RELN: variants seen among roughly 807,000 people sequenced by gnomAD.
The protein encoded by RELN is reelin.
RELN carries 108 observed loss-of-function variants against 427.6 expected under a neutral mutation model. The observed-to-expected ratio is 0.25, with a 90% confidence interval of 0.22 to 0.30. RELN has a LOEUF of 0.30. RELN is among the 10% of genes least tolerant of loss of function. RELN has a pLI of 1.00. For synonymous variants in RELN, 1,524 were observed against 1,513.4 expected, an observed-to-expected ratio of 1.01 and a Z score of -0.16; for missense variants, 3,715 against 4,302.8, an observed-to-expected ratio of 0.86 and a Z score of 3.82.
intron 5 of RELN, among the ~76,000 whole-genome samples, chr7:103,750,578 T>C (rs529079542): frequency 1.3e-5 from 2 of 152,324 alleles, no homozygotes; most frequent in Admixed American, 6.5e-5. Flanking sequence ...CTTTAAAGCA[T>C]GGAATTGGAT....
intron 3 of RELN, among the ~76,000 whole-genome samples, chr7:103,828,253 A>G (rs1793189339): frequency 1.3e-5 from 2 of 152,012 alleles, no homozygotes; most frequent in African/African-American, 2.4e-5. Context: ...TATTATTTTG[A>G]GCCTGGCAGG....
In RELN at chr7:103,650,369, G is replaced by A; in HGVS notation, c.1907C>T (p.Thr636Ile). 1 of 1,610,326 alleles carries A rather than the reference G, an allele frequency of 6.2e-7. No homozygotes were observed. Among genetic ancestry groups the A allele is most frequent in the Non-Finnish European group, 8.5e-7 (1 of 1,176,942 alleles). Residue 636 changes from threonine (T) to isoleucine (I), a missense_variant, in exon 16 of 65, where the codon ACA (threonine) becomes ATA (isoleucine). Physicochemically the swap from Thr to Ile is moderately conservative, Grantham distance 89 (BLOSUM62 -1). This residue lies in a region of RELN where 2,208 missense variants were observed against 2,361.7 expected (regional missense o/e 0.93). Transcript: ENST00000428762. ...SENYSGWNRITIPLPNAALTR... is the reference protein window; with the variant it reads ...SENYSGWNRIIIPLPNAALTR... ...TAGTGCTGCGTTAGGAAGGGGAATT[G>A]TTATTCGGTTCCACCTGCAAGAAAT... is the stretch of plus-strand genomic sequence containing the variant.
chr7:103,757,527 C>G (rs1001349304), intron 4 of RELN, among the ~76,000 whole-genome samples: 1 of 151,996 alleles, frequency 6.6e-6, no homozygotes, highest in Non-Finnish European at 1.5e-5. Flanking sequence ...ATAAAATTGT[C>G]AAATGGCTTA....
chr7:103,931,209 C>T (rs1035521289), intron 1 of RELN, among the ~76,000 whole-genome samples: 115 of 152,296 alleles, frequency 7.6e-4, no homozygotes, highest in African/African-American at 2.6e-3. Flanking sequence ...TCTGACTCCA[C>T]GCTCCGGCAC....
intron 10 of RELN, among the ~76,000 whole-genome samples, chr7:103,691,473 T>C (rs1833869232): frequency 6.6e-6 from 1 of 152,180 alleles, no homozygotes; most frequent in African/African-American, 2.4e-5. Context: ...GTTTACATAC[T>C]CACTACTCTG....
intron 51 of RELN, 27 bp from the exon 52 acceptor site, chr7:103,503,257 G>T: frequency 6.3e-7 from 1 of 1,597,562 alleles, no homozygotes; most frequent in African/African-American, 1.3e-5. Context: ...CAAGATCAAG[G>T]TATTAAAACT....
intron 4 of RELN, among the ~76,000 whole-genome samples, chr7:103,770,074 C>CTTTATTTA (rs34771956): frequency 7.6e-4 from 115 of 150,672 alleles, no homozygotes; most frequent in East Asian, 3.2e-3. Context: ...ATCTTTTTTA[C>CTTTATTTA]TTTATTTATT....
At chr7:103,787,150 T>C (rs979115198) in intron 3 of RELN, among the ~76,000 whole-genome samples, 1 of 151,920 alleles carries the variant, frequency 6.6e-6, no homozygotes, top group Non-Finnish European at 1.5e-5. Context: ...TTGAAACCAA[T>C]GAGAACAAAG....
intron 2 of RELN, among the ~76,000 whole-genome samples, chr7:103,843,713 T>A (rs926392477): frequency 1.3e-5 from 2 of 152,168 alleles, no homozygotes; most frequent in African/African-American, 4.8e-5. Context: ...GAGTGAGACA[T>A]TTCTAAGTCA....
chr7:103,575,477 TA>T, intron 29 of RELN, 70 bp downstream of exon 29: 1 of 1,466,476 alleles, frequency 6.8e-7, no homozygotes, highest in Non-Finnish European at 9.6e-7. Context: ...TTTGGGAGAA[TA>T]ACATGAAACA....
At chr7:103,913,439 A>G (rs1795412643) in intron 2 of RELN, among the ~76,000 whole-genome samples, 2 of 152,292 alleles carry the variant, frequency 1.3e-5, no homozygotes, top group South Asian at 2.1e-4. Context: ...TTTGCTTAAC[A>G]TTCCATCAAA....
At chr7:103,832,712 A>G (rs905454089) in intron 3 of RELN, among the ~76,000 whole-genome samples, 2 of 152,104 alleles carry the variant, frequency 1.3e-5, no homozygotes, top group African/African-American at 4.8e-5. Context: ...GCTCTTGAGA[A>G]CACTGTTCAG....
intron 15 of RELN, among the ~76,000 whole-genome samples, chr7:103,651,295 T>C (rs1452273603): frequency 6.6e-6 from 1 of 152,096 alleles, no homozygotes; most frequent in Admixed American, 6.6e-5. Flanking sequence ...AGAGTAAATA[T>C]GATTACACAG....
At chr7:103,732,639 T>G (rs2299380) in intron 6 of RELN, among the ~76,000 whole-genome samples, 61,586 of 151,924 alleles carry the variant, frequency 0.41, 13,234 homozygotes, top group Non-Finnish European at 0.49. Context: ...TTTTAAAAAC[T>G]TATGGATATA....
At position 103,759,961 on chromosome 7, in the gene RELN, A is replaced by G. The variant is rs1294551067; in HGVS notation, c.545-6747T>C. On this transcript the variant is annotated intron_variant, in intron 4 of 64. Coordinates refer to ENST00000428762, the MANE Select transcript of RELN (RefSeq NM_005045.4). ...TATCTCCACATTAGCTTCTGTGACT[A>G]CATTCGGTCATTGGTGCTCACAGTC... is the stretch of plus-strand genomic sequence containing the variant. Among the ~76,000 whole-genome samples the G allele has an allele frequency of 2.1e-5, 3 of 141,914 alleles. No individual in the cohort carries two copies. In the East Asian group the frequency reaches 6.1e-4, roughly 29 times the overall value. The allele number at this position is 141,914 out of a possible 152,430, so 93.1% of individuals were successfully genotyped here. A position where few individuals can be genotyped will look rare whatever the true frequency, so the allele number is the denominator to read the frequency against.
chr7:103,974,767 C>A (rs1045569880), intron 1 of RELN, among the ~76,000 whole-genome samples: 2 of 152,220 alleles, frequency 1.3e-5, no homozygotes, highest in African/African-American at 4.8e-5. Flanking sequence ...GAGTATGGAG[C>A]CAAACGATTT....
chr7:103,486,046 TA>T, intron 61 of RELN, 150 bp downstream of exon 61: 2 of 733,124 alleles, frequency 2.7e-6, no homozygotes, highest in Non-Finnish European at 4.8e-6. Context: ...GTGAAACATA[TA>T]TGCTTCCTTG....
intron 2 of RELN, among the ~76,000 whole-genome samples, chr7:103,915,875 T>C (rs1795472404): frequency 6.6e-6 from 1 of 152,200 alleles, no homozygotes; most frequent in African/African-American, 2.4e-5. Context: ...TATATACATA[T>C]GACTATGACC....
rs1250582864 is a variant in RELN, at chr7:103,773,398, CCTGT to C, written c.544+3155_544+3158del. 3.8e-4 allele frequency among the ~76,000 whole-genome samples: 24 copies of C among 63,272 alleles called. 1 individual carries two copies. The highest frequency in any genetic ancestry group is 1.5e-3 in the African/African-American group (24 of 16,148). 41.5% of individuals were successfully genotyped at this position (63,272 alleles called of 152,430 possible). On this transcript the variant is annotated intron_variant, in intron 4 of 64. Transcript: ENST00000428762. The stretch of plus-strand genomic sequence containing the variant: ...CCCTCCCTCCCTCCCTCGCTCCCTC[CCTGT>C]CTCTCTCTCTCTCTCCCTCGCTCCC...
Sources: gnomAD v4.1 joint callset for allele counts (sites outside exome capture counted in the v4.1 genomes callset) on GRCh38, gnomAD v4.1.1 for gene constraint, gnomAD v4.1.1 regional missense constraint, MANE v1.5 for transcripts, NCBI Gene and HGNC (gene_info 2026-07-23, HGNC 2026-07-21) for gene names.